FAM13A: variants seen among roughly 807,000 people sequenced by gnomAD.
FAM13A encodes protein FAM13A.
A neutral mutation model predicts 129.6 loss-of-function variants in FAM13A; 76 were observed. That is an observed-to-expected ratio of 0.59 (90% CI 0.49 to 0.71). FAM13A has a LOEUF of 0.71. Ranked by LOEUF, FAM13A falls within the 30% of genes least tolerant of loss-of-function variation. The pLI is 0.00. For missense variants in FAM13A, 1,108 were observed against 1,249.3 expected (o/e 0.89, Z 1.70); for synonymous variants, 443 against 449.9 (o/e 0.98, Z 0.20).
At chr4:88,833,257 C>G (rs557942372) in intron 7 of FAM13A, among the ~76,000 whole-genome samples, 1 of 152,208 alleles carries the variant, frequency 6.6e-6, no homozygotes, top group Non-Finnish European at 1.5e-5. Context: ...GGAAAAACAG[C>G]TAATGCACAC....
intron 2 of FAM13A, among the ~76,000 whole-genome samples, chr4:89,023,677 T>G (rs1767578512): frequency 6.6e-6 from 1 of 152,200 alleles, no homozygotes; most frequent in African/African-American, 2.4e-5. Flanking sequence ...CCCATTTATC[T>G]GAACAACTCT....
intron 7 of FAM13A, among the ~76,000 whole-genome samples, chr4:88,844,363 A>C (rs1349612082): frequency 6.6e-6 from 1 of 152,214 alleles, no homozygotes; most frequent in Non-Finnish European, 1.5e-5. Context: ...GATCTTGGAT[A>C]ATTCACCTAA....
intron 6 of FAM13A, among the ~76,000 whole-genome samples, chr4:88,892,935 T>C (rs1313488156): frequency 2.6e-5 from 4 of 152,098 alleles, no homozygotes; most frequent in Admixed American, 1.3e-4. Flanking sequence ...CTATATTCAA[T>C]ATGAAAAGAA....
rs1056012513 is a variant in FAM13A, at chr4:88,871,707, G to C, written c.844-20524C>G. Among the ~76,000 whole-genome samples, 3 of 152,214 alleles carry C rather than the reference G, an allele frequency of 2.0e-5. No homozygotes were observed. In the East Asian group the frequency reaches 5.8e-4, roughly 29 times the overall value. On this transcript the variant is annotated intron_variant, in intron 6 of 23. Transcript: ENST00000264344. ...AAAGTGATGGGGAGAATGGAACCAA[G>C]TTGGAAAACACTCTGCAGGATATTA...
At chr4:88,892,337 G>A (rs1325674936) in intron 6 of FAM13A, among the ~76,000 whole-genome samples, 9 of 151,828 alleles carry the variant, frequency 5.9e-5, no homozygotes, top group Non-Finnish European at 1.0e-4. Context: ...CCGCCACCAC[G>A]CCTGGCTAAT....
At chr4:88,998,166 A>G (rs1000289186) in intron 3 of FAM13A, among the ~76,000 whole-genome samples, 1 of 152,194 alleles carries the variant, frequency 6.6e-6, no homozygotes, top group East Asian at 1.9e-4. Flanking sequence ...TTTAGAGTAG[A>G]GGAACCAGTT....
chr4:88,939,152 G>C (rs1754327520), intron 4 of FAM13A, among the ~76,000 whole-genome samples: 1 of 152,108 alleles, frequency 6.6e-6, no homozygotes, highest in African/African-American at 2.4e-5. Context: ...AGTTCTGGAG[G>C]CCAAAAGAAC....
At chr4:88,990,701 C>A (rs1762822485) in intron 4 of FAM13A, 1 of 309,184 alleles carries the variant, frequency 3.2e-6, no homozygotes, top group Non-Finnish European at 5.9e-6. Context: ...TTTTTAAATG[C>A]CCCTTTTAAT....
chr4:88,900,146 AC>A (rs1030353608), intron 6 of FAM13A, among the ~76,000 whole-genome samples: 4 of 152,230 alleles, frequency 2.6e-5, no homozygotes, highest in African/African-American at 9.6e-5. Flanking sequence ...AAGATGTCAA[AC>A]CTAAAACTGA....
Position 89,052,466 on chromosome 4 carries a change from C to G in FAM13A, c.27+4472G>C, listed in dbSNP as rs1158946049. ...TAAAGCTATCCCTCCCCCCTCCCCC[C>G]ACCCCCTGGGTAGCACTTTCTGAAG... is the stretch of plus-strand genomic sequence containing the variant. On this transcript the variant is annotated intron_variant, in intron 1 of 23. Transcript: ENST00000264344. 5.9e-5 allele frequency among the ~76,000 whole-genome samples: 7 copies of G among 118,664 alleles called. No homozygotes were observed. In the South Asian group the frequency reaches 2.4e-3, roughly 40 times the overall value. 77.8% of individuals were successfully genotyped at this position (118,664 alleles called of 152,430 possible).
chr4:88,878,427 A>C (rs1286556402), intron 6 of FAM13A, among the ~76,000 whole-genome samples: 1 of 152,026 alleles, frequency 6.6e-6, no homozygotes, highest in Non-Finnish European at 1.5e-5. Context: ...CTATACTGGT[A>C]ATGCATTTTT....
rs530666928 is a variant in FAM13A, at chr4:88,949,829, C to T, written c.606-11588G>A. On this transcript the variant is annotated intron_variant, in intron 4 of 23. Transcript: ENST00000264344. ...CAGCTTCCACTTTCCCCTCACATTACAGAGTTTATAAACAGTTCCACTTGT... is the reference window on the plus strand; with the variant it reads ...CAGCTTCCACTTTCCCCTCACATTATAGAGTTTATAAACAGTTCCACTTGT... 7.5e-4 allele frequency among the ~76,000 whole-genome samples: 114 copies of T among 152,294 alleles called. 1 individual carries two copies. The highest frequency in any genetic ancestry group is 2.7e-3 in the African/African-American group (113 of 41,562).
intron 5 of FAM13A, chr4:88,936,940 C>T (rs1053567301): frequency 2.6e-5 from 4 of 152,096 alleles, no homozygotes; most frequent in Non-Finnish European, 4.4e-5. Context: ...GTACCATAGG[C>T]ACTAGAGGAA....
At chr4:88,938,375 T>C (rs1037105948) in intron 4 of FAM13A, 134 bp from the exon 5 acceptor site, 83 of 623,020 alleles carry the variant, frequency 1.3e-4, no homozygotes, top group Non-Finnish European at 1.6e-4. Context: ...AACAAGCTCT[T>C]TGGTAACATG....
At position 88,995,873 on chromosome 4, in the gene FAM13A, A is replaced by T. The variant is rs1393440192; in HGVS notation, c.428-4723T>A. On this transcript the variant is annotated intron_variant, in intron 3 of 23. Transcript: ENST00000264344. ...TCGAGGGGAAGACAGACAATTAAAA[A>T]ATGTTTAAAATATATGTGAAGTGGT... Among the ~76,000 whole-genome samples the T allele has an allele frequency of 2.0e-5, 3 of 152,250 alleles. No homozygotes were observed. In the South Asian group the frequency reaches 6.2e-4, roughly 32 times the overall value.
intron 21 of FAM13A, among the ~76,000 whole-genome samples, chr4:88,735,141 CTG>C (rs1390153036): frequency 6.6e-6 from 1 of 152,092 alleles, no homozygotes; most frequent in Non-Finnish European, 1.5e-5. Context: ...GGGCAGGTGA[CTG>C]TAAATACAGG....
chr4:88,732,259 C>T (rs888602564), intron 21 of FAM13A, 61 bp from the exon 22 acceptor site: 2 of 1,203,392 alleles, frequency 1.7e-6, no homozygotes, highest in Non-Finnish European at 2.4e-6. Context: ...ACTTTCATTA[C>T]AAGTATCATT....
At chr4:88,903,843 T>C (rs948329906) in intron 6 of FAM13A, among the ~76,000 whole-genome samples, 1 of 152,058 alleles carries the variant, frequency 6.6e-6, no homozygotes, top group African/African-American at 2.4e-5. Context: ...ACACACAACC[T>C]GCAGAACGGG....
intron 6 of FAM13A, among the ~76,000 whole-genome samples, chr4:88,888,123 T>C (rs1237459538): frequency 6.6e-6 from 1 of 152,236 alleles, no homozygotes; most frequent in Non-Finnish European, 1.5e-5. Flanking sequence ...TTTCTCCTTA[T>C]ACTCTTTGCT....
Sources: gnomAD v4.1 joint callset for allele counts (sites outside exome capture counted in the v4.1 genomes callset) on GRCh38, gnomAD v4.1.1 for gene constraint, MANE v1.5 for transcripts, NCBI Gene and HGNC (gene_info 2026-07-23, HGNC 2026-07-21) for gene names.